ABLIM1: variants seen among roughly 807,000 people sequenced by gnomAD.
ABLIM1 encodes the protein actin-binding LIM protein 1.
Under a neutral mutation model 107.0 loss-of-function variants are expected in ABLIM1, and 40 were observed. That is an observed-to-expected ratio of 0.37 (90% confidence interval 0.29 to 0.49). ABLIM1 has a LOEUF of 0.49. ABLIM1 is among the 20% of genes least tolerant of loss of function. ABLIM1 has a pLI of 0.97. For missense variants in ABLIM1, 857 were observed against 1,008.5 expected (o/e 0.85, Z 2.04); for synonymous variants, 357 against 357.3 (o/e 1.00, Z 0.01).
At chr10:114,459,471 C>T (rs1029776474) in intron 12 of ABLIM1, among the ~76,000 whole-genome samples, 4 of 152,146 alleles carry the variant, frequency 2.6e-5, no homozygotes, top group Admixed American at 2.0e-4. Context: ...ATAACTAAGA[C>T]GTAATTCCTT....
chr10:114,557,671 G>GTTTTGTTTTT lies in ABLIM1; in HGVS notation c.674-9896_674-9895insAAAAACAAAA, dbSNP rs1555173409. ...TGACCCAATAGCTCCATAGTGAGGT[G>GTTTTGTTTTT]TTTTTTTTTTTTTTTTTTTTTTGGA... On this transcript the variant is annotated intron_variant, in intron 4 of 22. Transcript: ENST00000533213. 2.1e-4 allele frequency among the ~76,000 whole-genome samples: 15 copies of GTTTTGTTTTT among 72,464 alleles called. 2 individuals are homozygous for GTTTTGTTTTT. The highest frequency in any genetic ancestry group is 4.6e-4 in the Admixed American group (3 of 6,454). 47.5% of individuals were successfully genotyped at this position (72,464 alleles called of 152,430 possible). A position where few individuals can be genotyped will look rare whatever the true frequency, so the allele number is the denominator to read the frequency against.
chr10:114,550,017 T>C (rs2067852046), intron 4 of ABLIM1, among the ~76,000 whole-genome samples: 1 of 152,248 alleles, frequency 6.6e-6, no homozygotes, highest in Non-Finnish European at 1.5e-5. Context: ...ACATCCTCTG[T>C]GTTGTTTGAA....
chr10:114,761,283 T>A (rs1591957004), intron 1 of ABLIM1, among the ~76,000 whole-genome samples: 1 of 146,212 alleles, frequency 6.8e-6, no homozygotes, highest in Non-Finnish European at 1.5e-5. Flanking sequence ...AAAAAAAGTG[T>A]GGTTCTGATT....
chr10:114,775,270 C>T, the ABLIM1 span, among the ~76,000 whole-genome samples: 2 of 152,076 alleles, frequency 1.3e-5, no homozygotes, highest in African/African-American at 2.4e-5. Flanking sequence ...TCCCTCCACA[C>T]GTGGGGATTA....
intron 1 of ABLIM1, among the ~76,000 whole-genome samples, chr10:114,760,632 T>C (rs1343248673): frequency 6.6e-6 from 1 of 152,212 alleles, no homozygotes; most frequent in African/African-American, 2.4e-5. Context: ...CTGACAATGA[T>C]AGTAAACCAT....
chr10:114,799,484 C>T, the ABLIM1 span, among the ~76,000 whole-genome samples: 57 of 152,132 alleles, frequency 3.7e-4, no homozygotes, highest in Non-Finnish European at 7.1e-4. Context: ...CTCTTGATCC[C>T]CCCCTCCAAA....
chr10:114,731,889 C>T (rs150694855), intron 1 of ABLIM1, among the ~76,000 whole-genome samples: 3,893 of 152,274 alleles, frequency 0.026, 74 homozygotes, highest in Middle Eastern at 0.051. Flanking sequence ...GGATTACAGG[C>T]GTGAGCCACC....
chr10:114,775,572 T>C, the ABLIM1 span, among the ~76,000 whole-genome samples: 1 of 152,200 alleles, frequency 6.6e-6, no homozygotes, highest in Non-Finnish European at 1.5e-5. Flanking sequence ...GTTCTGCAGA[T>C]GAATCTATGG....
At chr10:114,682,928 T>C (rs1015998879) in intron 1 of ABLIM1, among the ~76,000 whole-genome samples, 1 of 152,166 alleles carries the variant, frequency 6.6e-6, no homozygotes, top group African/African-American at 2.4e-5. Flanking sequence ...CTTTGTACAG[T>C]ACAAGAAAAA....
chr10:114,466,628 T>C (rs2065219761), intron 11 of ABLIM1, among the ~76,000 whole-genome samples: 1 of 152,180 alleles, frequency 6.6e-6, no homozygotes, highest in Non-Finnish European at 1.5e-5. Context: ...CCAACCAAAC[T>C]GTACTGTCTA....
rs1166568520 is a variant in ABLIM1, at chr10:114,630,838, A to G, written c.244+27119T>C. Among the ~76,000 whole-genome samples, 3 of 152,230 alleles carry G rather than the reference A, an allele frequency of 2.0e-5. No homozygotes were observed. The East Asian group carries it at 5.8e-4, about 29-fold the overall frequency. ...TCTAAGTGTACTAGACAGCAAAATTAAAGAGTGGTTATTTACATTATAAAA... is the reference window on the plus strand; with the variant it reads ...TCTAAGTGTACTAGACAGCAAAATTGAAGAGTGGTTATTTACATTATAAAA... On this transcript the variant is annotated intron_variant, in intron 1 of 22. Coordinates refer to ENST00000533213, the MANE Select transcript of ABLIM1 (RefSeq NM_002313.7).
intron 6 of ABLIM1, among the ~76,000 whole-genome samples, chr10:114,495,214 T>C (rs2059506948): frequency 6.6e-6 from 1 of 152,096 alleles, no homozygotes. Flanking sequence ...CAAAAATATA[T>C]TTTTGTGTTG....
chr10:114,667,940 G>A (rs2080093372), intron 1 of ABLIM1, among the ~76,000 whole-genome samples: 2 of 152,150 alleles, frequency 1.3e-5, no homozygotes, highest in South Asian at 4.1e-4. Flanking sequence ...TCCATTCCAT[G>A]AGATTTTGGA....
At chr10:114,750,673 CT>C (rs1169067460) in intron 1 of ABLIM1, among the ~76,000 whole-genome samples, 1 of 152,146 alleles carries the variant, frequency 6.6e-6, no homozygotes, top group African/African-American at 2.4e-5. Flanking sequence ...AATGCCATCC[CT>C]TTTTTATGAC....
chr10:114,539,973 CT>C (rs1278820630), intron 6 of ABLIM1, among the ~76,000 whole-genome samples: 5 of 152,168 alleles, frequency 3.3e-5, no homozygotes, highest in Non-Finnish European at 7.4e-5. Context: ...TAATTTGCCC[CT>C]GCACTTCTTA....
chr10:114,547,904 G>T lies in ABLIM1; in HGVS notation c.674-128C>A, dbSNP rs958976314. The T allele has an allele frequency of 1.1e-3, 1,372 of 1,284,440 alleles. 24 individuals are homozygous for T. Among genetic ancestry groups the T allele is most frequent in the Admixed American group, 2.7e-4 (10 of 37,712 alleles). 79.6% of individuals were successfully genotyped at this position (1,284,440 alleles called of 1,614,324 possible). ...AATATTTACTCAAGCACCATCTCGG[G>T]TCAGTTTCTTTCCCTGCACAAAATC... On this transcript the variant is annotated intron_variant, in intron 4 of 22. Transcript: ENST00000533213.
chr10:114,470,678 A>G (rs2133885770), intron 10 of ABLIM1, among the ~76,000 whole-genome samples: 1 of 152,300 alleles, frequency 6.6e-6, no homozygotes, highest in South Asian at 2.1e-4. Context: ...ATTTTTCTTA[A>G]GCACTTATTA....
Position 114,601,923 on chromosome 10 carries a change from G to C in ABLIM1, c.283C>G (p.Pro95Ala), listed in dbSNP as rs766959519. 16 of 1,614,062 alleles carry C rather than the reference G, an allele frequency of 9.9e-6. No homozygotes were observed. Among genetic ancestry groups the C allele is most frequent in the African/African-American group, 6.7e-5 (5 of 74,924 alleles). ...CCACATTTATGGCAGTGAATGACAG[G>C]CTTCTCTGATGGGTGGTGAGGGTCC... Reference protein sequence around the residue: ...PQDPHHPSEKPVIHCHKCGEP... With the variant: ...PQDPHHPSEKAVIHCHKCGEP... The change falls in exon 2 of 23, where the codon CCT becomes GCT. Residue 95 changes from proline (P) to alanine (A), a missense_variant. Physicochemically the swap from Pro to Ala is conservative, Grantham distance 27 (BLOSUM62 -1). This residue lies in a region of ABLIM1 where 176 missense variants were observed against 173.5 expected (regional missense o/e 1.01). Transcript: ENST00000533213.
At chr10:114,791,129 C>T in the ABLIM1 span, among the ~76,000 whole-genome samples, 1 of 152,010 alleles carries the variant, frequency 6.6e-6, no homozygotes, top group African/African-American at 2.4e-5. Flanking sequence ...CTGGAGTGTA[C>T]TGGAGCGATC....
Sources: allele counts gnomAD v4.1 joint callset (sites outside exome capture counted in the v4.1 genomes callset), GRCh38; gene constraint gnomAD v4.1.1; regional missense constraint gnomAD v4.1.1; transcripts MANE v1.5; gene names NCBI Gene and HGNC (gene_info 2026-07-23, HGNC 2026-07-21).